The following LRRC31 variants were observed in gnomAD, a reference collection of about 807,000 sequenced individuals.
The protein encoded by LRRC31 is leucine rich repeat containing 31.
LRRC31 carries 35 observed loss-of-function variants against 46.7 expected under a neutral mutation model. The observed-to-expected ratio is 0.75, with a 90% confidence interval of 0.57 to 0.99. The LOEUF is 0.99. LRRC31 is among the 50% of genes least tolerant of loss of function. The pLI is 0.00. For missense variants in LRRC31, 613 were observed against 626.1 expected, an observed-to-expected ratio of 0.98 and a Z score of 0.22; for synonymous variants, 236 against 235.1, an observed-to-expected ratio of 1.00 and a Z score of -0.03.
rs769448759 is a variant in LRRC31 at position 169,861,828 on chromosome 3, T to TA, written c.176-16dup. 4.3e-6 allele frequency: 7 copies of TA among 1,609,560 alleles called. No individual in the cohort carries two copies. Among genetic ancestry groups the TA allele is most frequent in the South Asian group, 1.1e-5 (1 of 90,154 alleles). On this transcript the variant is annotated splice_polypyrimidine_tract_variant and intron_variant, in intron 1 of 8. Transcript: ENST00000316428. ...GAGAGGCTTAGCTGTGTGATAAGCA[T>TA]AAAAAAGAATTTGCTGTTAATGATG...
intron 7 of LRRC31, 22 bp downstream of exon 7, chr3:169,851,597 A>G: frequency 6.2e-7 from 1 of 1,605,976 alleles, no homozygotes; most frequent in Non-Finnish European, 8.5e-7. Context: ...TGGTTCCTGC[A>G]GGGATCTGGG....
intron 4 of LRRC31, 59 bp from the exon 5 acceptor site, chr3:169,856,562 C>T: frequency 1.4e-6 from 2 of 1,430,332 alleles, no homozygotes; most frequent in Non-Finnish European, 9.4e-7. Context: ...AGTTTTACAT[C>T]ACCTGGGGAT....
In LRRC31 at chr3:169,854,949, C is replaced by T. The variant is rs756614622; in HGVS notation, c.855G>A (p.Arg285=). ...DAAFRYLGEL[R]KLDLSCNKDL... ...CCTTATTGCAGGAAAGATCTAATTT[C>T]CTCAGCTCACCCAAATACCTAAAAG... Residue 285 remains arginine, a synonymous_variant, in exon 6 of 9, where the codon AGG becomes AGA. Coordinates refer to ENST00000316428, the MANE Select transcript of LRRC31 (RefSeq NM_024727.4). The T allele has an allele frequency of 7.4e-6, 12 of 1,611,620 alleles. No individual in the cohort carries two copies. Among genetic ancestry groups the T allele is most frequent in the East Asian group, 2.2e-5 (1 of 44,872 alleles).
intron 6 of LRRC31, chr3:169,853,566 A>G (rs1780853446): frequency 1.0e-6 from 1 of 985,716 alleles, no homozygotes; most frequent in African/African-American, 1.7e-5. Context: ...GTGGGCTAAT[A>G]ACTCTGAATG....
Position 169,869,700 on chromosome 3 carries a change from G to T in LRRC31, c.108C>A (p.Asp36Glu), listed in dbSNP as rs538228831. 10 of 1,613,088 alleles carry T rather than the reference G, an allele frequency of 6.2e-6. No individual in the cohort carries two copies. In the East Asian group the frequency reaches 1.8e-4, roughly 29 times the overall value. Residue 36 changes from aspartate (D) to glutamate (E), a missense_variant, in exon 1 of 9, where the codon GAC becomes GAA. Coordinates refer to ENST00000316428, the MANE Select transcript of LRRC31 (RefSeq NM_024727.4). ...GGGAATCACTTGTTTTAAGGTCATT[G>T]TCCTCTTTTCTGCTTTCAGCATTGG... ...RGSNAESRKE[D>E]NDLKTSDSQP...
intron 8 of LRRC31, among the ~76,000 whole-genome samples, chr3:169,841,646 T>C (rs1780451899): frequency 6.6e-6 from 1 of 152,244 alleles, no homozygotes; most frequent in Non-Finnish European, 1.5e-5. Flanking sequence ...GTAGAGAGAA[T>C]AGGAGAAAGT....
intron 4 of LRRC31, 68 bp from the exon 5 acceptor site, chr3:169,856,571 A>C: frequency 6.8e-6 from 9 of 1,325,238 alleles, no homozygotes; most frequent in Non-Finnish European, 9.1e-6. Flanking sequence ...TCACCTGGGG[A>C]TATCGTGACG....
At position 169,839,665 on chromosome 3, in the gene LRRC31, G is replaced by A. The variant is rs950423593; in HGVS notation, c.*317C>T. The A allele has an allele frequency of 6.6e-6, 1 of 151,726 alleles. No individual in the cohort carries two copies. Among genetic ancestry groups the A allele is most frequent in the African/African-American group, 2.4e-5 (1 of 41,266 alleles). 9.4% of individuals were successfully genotyped at this position (151,726 alleles called of 1,614,324 possible). ...TTGGCAAGGCTTCTAAACAGCAAAT[G>A]AACTAATTATATATCCAAAACAAAT... On this transcript the variant is annotated 3_prime_UTR_variant, in exon 9 of 9. Coordinates refer to ENST00000316428, the MANE Select transcript of LRRC31 (RefSeq NM_024727.4).
intron 3 of LRRC31, 40 bp from the exon 4 acceptor site, chr3:169,856,912 C>A: frequency 6.4e-7 from 1 of 1,558,468 alleles, no homozygotes; most frequent in South Asian, 1.2e-5. Flanking sequence ...GGTCACTAGT[C>A]AGAAAAGCAG....
chr3:169,842,399 G>T (rs569080461), intron 8 of LRRC31, among the ~76,000 whole-genome samples: 1 of 152,280 alleles, frequency 6.6e-6, no homozygotes, highest in African/African-American at 2.4e-5. Context: ...TGCCCAGGCT[G>T]GAGTGCAATG....
chr3:169,850,114 T>C (rs1265061626), intron 7 of LRRC31, among the ~76,000 whole-genome samples: 1 of 152,180 alleles, frequency 6.6e-6, no homozygotes, highest in Non-Finnish European at 1.5e-5. Context: ...AAATGAATTG[T>C]ACTGTCCACC....
chr3:169,845,788 A>C (rs1305848611), intron 8 of LRRC31, among the ~76,000 whole-genome samples: 1 of 152,118 alleles, frequency 6.6e-6, no homozygotes. Context: ...GAGAACTTAG[A>C]TTTGCAAAAC....
intron 3 of LRRC31, among the ~76,000 whole-genome samples, chr3:169,857,117 C>T (rs9864413): frequency 0.025 from 3,811 of 151,772 alleles, 147 homozygotes; most frequent in African/African-American, 0.087. Context: ...ATGAGCTAAA[C>T]AATTGTTGTT....
chr3:169,864,560 T>C (rs1211081349), intron 1 of LRRC31, among the ~76,000 whole-genome samples: 1 of 152,266 alleles, frequency 6.6e-6, no homozygotes, highest in East Asian at 1.9e-4. Flanking sequence ...GAACCTCCTA[T>C]GCACATGGTA....
At chr3:169,865,045 C>T (rs1174451628) in intron 1 of LRRC31, among the ~76,000 whole-genome samples, 2 of 151,742 alleles carry the variant, frequency 1.3e-5, no homozygotes, top group African/African-American at 2.4e-5. Context: ...CACTGCACTC[C>T]AGCCTGGGCA....
At chr3:169,845,903 A>C (rs1248835242) in intron 8 of LRRC31, among the ~76,000 whole-genome samples, 6 of 152,218 alleles carry the variant, frequency 3.9e-5, no homozygotes, top group Non-Finnish European at 8.8e-5. Context: ...TATCAAGAGA[A>C]TGAAAAAGCC....
At chr3:169,865,108 C>T (rs1266169618) in intron 1 of LRRC31, among the ~76,000 whole-genome samples, 1 of 151,630 alleles carries the variant, frequency 6.6e-6, no homozygotes, top group Non-Finnish European at 1.5e-5. Flanking sequence ...CCAAATTAGC[C>T]CAGTGTAGTG....
chr3:169,860,451 C>T, intron 3 of LRRC31, 110 bp downstream of exon 3: 1 of 1,128,510 alleles, frequency 8.9e-7, no homozygotes, highest in Non-Finnish European at 1.3e-6. Context: ...TGTTCTCGAA[C>T]TCCTGAGCTC....
chr3:169,867,047 G>T (rs562647236), intron 1 of LRRC31, among the ~76,000 whole-genome samples: 5,109 of 91,664 alleles, frequency 0.056, 580 homozygotes, highest in African/African-American at 0.28. Flanking sequence ...GGTTTTTTTT[G>T]TTTGTTTGTT....
Sources: allele counts gnomAD v4.1 joint callset (sites outside exome capture counted in the v4.1 genomes callset), GRCh38; gene constraint gnomAD v4.1.1; transcripts MANE v1.5; gene names NCBI Gene and HGNC (gene_info 2026-07-23, HGNC 2026-07-21).